Variants in GANC observed in about 807,000 individuals in gnomAD.
GANC encodes the protein neutral alpha-glucosidase C.
In GANC, 117 loss-of-function variants were observed where a neutral mutation model predicts 124.2. The observed-to-expected ratio is 0.94, with a 90% CI of 0.81 to 1.10. GANC has a LOEUF of 1.10. Ranked by LOEUF, GANC falls within the 50% of genes least tolerant of loss-of-function variation. The pLI is 0.00. For missense variants in GANC, 1,140 were observed against 1,095.0 expected (o/e 1.04, Z -0.58); for synonymous variants, 377 against 376.8 (o/e 1.00, Z -0.01).
At chr15:42,350,079 G>A (rs2052412598) in intron 22 of GANC, among the ~76,000 whole-genome samples, 1 of 122,056 alleles carries the variant, frequency 8.2e-6, no homozygotes, top group Non-Finnish European at 1.6e-5. Flanking sequence ...TGCCCAGGCT[G>A]GAGTGCAGTG....
chr15:42,312,517 G>A (rs2052061159), intron 10 of GANC, among the ~76,000 whole-genome samples: 1 of 152,228 alleles, frequency 6.6e-6, no homozygotes, highest in Non-Finnish European at 1.5e-5. Flanking sequence ...CAGACATGTA[G>A]AACTGTAAGT....
intron 4 of GANC, among the ~76,000 whole-genome samples, chr15:42,288,135 C>A (rs550737060): frequency 6.6e-6 from 1 of 152,228 alleles, no homozygotes; most frequent in East Asian, 1.9e-4. Flanking sequence ...GTTTTATTAG[C>A]CAGACTATGG....
intron 19 of GANC, 62 bp downstream of exon 19, chr15:42,343,216 T>A: frequency 1.1e-5 from 15 of 1,399,490 alleles, no homozygotes; most frequent in Non-Finnish European, 1.5e-5. Flanking sequence ...TCTTTTCTTT[T>A]AGGAAAGAGA....
intron 3 of GANC, 47 bp downstream of exon 3, chr15:42,278,637 A>G: frequency 7.4e-7 from 1 of 1,351,836 alleles, no homozygotes. Context: ...TTCTGTATTT[A>G]TTGGGCCTGA....
intron 3 of GANC, among the ~76,000 whole-genome samples, chr15:42,281,344 C>T (rs114721965): frequency 0.025 from 3,820 of 152,240 alleles, 157 homozygotes; most frequent in African/African-American, 0.088. Flanking sequence ...TGATGGTGAT[C>T]ACTAATGTTG....
At chr15:42,334,878 A>G (rs1451280249) in intron 15 of GANC, among the ~76,000 whole-genome samples, 1 of 152,192 alleles carries the variant, frequency 6.6e-6, no homozygotes, top group Non-Finnish European at 1.5e-5. Context: ...AGAAATGGAT[A>G]AATTCCTGGA....
chr15:42,279,663 T>C (rs1315325430), intron 3 of GANC, among the ~76,000 whole-genome samples: 1 of 152,212 alleles, frequency 6.6e-6, no homozygotes, highest in Non-Finnish European at 1.5e-5. Context: ...GCCTGCATTC[T>C]AAAGGCATCC....
chr15:42,342,499 A>G (rs531351631), intron 18 of GANC, among the ~76,000 whole-genome samples: 21 of 152,244 alleles, frequency 1.4e-4, no homozygotes, highest in South Asian at 4.1e-4. Flanking sequence ...GGAGGATTAC[A>G]TGAGCCCAGG....
chr15:42,288,889 A>G (rs2051816934), intron 4 of GANC, among the ~76,000 whole-genome samples: 1 of 152,176 alleles, frequency 6.6e-6, no homozygotes, highest in African/African-American at 2.4e-5. Context: ...ATCAATGCAT[A>G]CATATAACCT....
At chr15:42,343,214 T>C in intron 19 of GANC, 60 bp downstream of exon 19, 1 of 1,414,862 alleles carries the variant, frequency 7.1e-7, no homozygotes, top group Non-Finnish European at 1.0e-6. Context: ...CTTCTTTTCT[T>C]TTAGGAAAGA....
rs1470245816 is a variant in GANC at position 42,329,428 on chromosome 15, C to G, written c.1623C>G (p.His541Gln). Residue 541 changes from histidine to glutamine, a missense_variant, in exon 14 of 24, where the codon CAC (histidine) becomes CAG (glutamine). Physicochemically the swap from His to Gln is conservative, Grantham distance 24. Transcript: ENST00000318010. The part of the protein sequence containing the change: ...HHGNWEHREL[H>Q]NIYGFYHQMA... ...GCAATTGGGAGCACAGAGAGCTCCA[C>G]AACATCTACGGTTTTTATCATGTAA... 6.2e-7 allele frequency: 1 copy of G among 1,612,256 alleles called. No individual in the cohort carries two copies. Among genetic ancestry groups the G allele is most frequent in the Non-Finnish European group, 8.5e-7 (1 of 1,179,432 alleles).
At chr15:42,305,570 A>G (rs1382524680) in intron 6 of GANC, among the ~76,000 whole-genome samples, 1 of 152,242 alleles carries the variant, frequency 6.6e-6, no homozygotes, top group Non-Finnish European at 1.5e-5. Context: ...CAGAAATACC[A>G]TCGGACCCAG....
At chr15:42,340,804 T>C in intron 18 of GANC, 50 bp downstream of exon 18, 1 of 1,460,348 alleles carries the variant, frequency 6.8e-7, no homozygotes, top group Non-Finnish European at 9.3e-7. Flanking sequence ...TCTCACTCTG[T>C]CACCTAGGCT....
At chr15:42,304,322 C>CA (rs2051973687) in intron 6 of GANC, among the ~76,000 whole-genome samples, 1 of 152,114 alleles carries the variant, frequency 6.6e-6, no homozygotes, top group Non-Finnish European at 1.5e-5. Flanking sequence ...AACAAAAACG[C>CA]AATGTACCAG....
chr15:42,317,695 CTGCATTCAGT>C (rs2052120338), intron 10 of GANC, among the ~76,000 whole-genome samples: 1 of 152,014 alleles, frequency 6.6e-6, no homozygotes, highest in Non-Finnish European at 1.5e-5. Context: ...ATCATTTCTG[CTGCATTCAGT>C]TGTTAAAAGC....
At chr15:42,346,223 G>A (rs1595786290) in intron 20 of GANC, among the ~76,000 whole-genome samples, 1 of 152,216 alleles carries the variant, frequency 6.6e-6, no homozygotes, top group East Asian at 1.9e-4. Context: ...TATGAATTTG[G>A]GGGACATACA....
At chr15:42,294,001 CG>C (rs1159382702) in intron 5 of GANC, among the ~76,000 whole-genome samples, 25 of 151,430 alleles carry the variant, frequency 1.7e-4, no homozygotes, top group African/African-American at 5.9e-4. Flanking sequence ...CAGTGAGCTG[CG>C]ACTGTGGCAC....
At chr15:42,299,171 G>C (rs2051920561) in intron 6 of GANC, among the ~76,000 whole-genome samples, 1 of 152,124 alleles carries the variant, frequency 6.6e-6, no homozygotes, top group Admixed American at 6.6e-5. Context: ...TCTAGCTTTT[G>C]CCCATTCAGT....
In GANC at chr15:42,340,922, T is replaced by C. The variant is rs576891017; in HGVS notation, c.2152+168T>C. 1.9e-4 allele frequency among the ~76,000 whole-genome samples: 29 copies of C among 151,854 alleles called. No homozygotes were observed. The East Asian group carries it at 5.5e-3, about 29-fold the overall frequency. On this transcript the variant is annotated intron_variant, in intron 18 of 23. Coordinates refer to ENST00000318010, the MANE Select transcript of GANC (RefSeq NM_198141.3). Reference sequence around the variant, plus strand: ...CTGGGATTACAGGTGCCCGCCACCATGCCCGGCTAATTTTTGTATTTTTAG... The same window carrying C: ...CTGGGATTACAGGTGCCCGCCACCACGCCCGGCTAATTTTTGTATTTTTAG...
Sources: allele counts gnomAD v4.1 joint callset (sites outside exome capture counted in the v4.1 genomes callset), GRCh38; gene constraint gnomAD v4.1.1; transcripts MANE v1.5; gene names NCBI Gene and HGNC (gene_info 2026-07-23, HGNC 2026-07-21).